HCRTR2: variants seen among roughly 807,000 people sequenced by gnomAD.
HCRTR2 encodes orexin receptor type 2.
In HCRTR2, 22 loss-of-function variants were observed where a neutral mutation model predicts 49.0. The ratio of observed to expected loss-of-function variants is 0.45; its 90% CI spans 0.32 to 0.64. The LOEUF is 0.64. HCRTR2 is among the 30% of genes least tolerant of loss of function. The pLI is 0.04. For missense variants in HCRTR2, 491 were observed against 559.4 expected (o/e 0.88, Z 1.23); for synonymous variants, 236 against 205.3 (o/e 1.15, Z -1.28).
chr6:55,240,290 G>C (rs1420877134), intron 1 of HCRTR2, among the ~76,000 whole-genome samples: 2 of 147,970 alleles, frequency 1.4e-5, no homozygotes, highest in South Asian at 2.2e-4. Context: ...CCCGGGAGGC[G>C]GAGCTTGCAG....
chr6:55,129,561 C>T (rs1366650876), intron 1 of HCRTR2, among the ~76,000 whole-genome samples: 1 of 152,030 alleles, frequency 6.6e-6, no homozygotes, highest in Non-Finnish European at 1.5e-5. Context: ...ACAAGTTATT[C>T]CATGGTCTCC....
intron 1 of HCRTR2, among the ~76,000 whole-genome samples, chr6:55,131,413 T>C (rs983004017): frequency 2.0e-5 from 3 of 151,940 alleles, no homozygotes; most frequent in Non-Finnish European, 4.4e-5. Flanking sequence ...ATTTAATTTG[T>C]TTGAACTTCT....
Position 55,178,341 on chromosome 6 carries a change from C to T in HCRTR2, c.223+3531C>T, listed in dbSNP as rs139358580. Among the ~76,000 whole-genome samples, 10 of 152,170 alleles carry T rather than the reference C, an allele frequency of 6.6e-5. No homozygotes were observed. The East Asian group carries it at 1.9e-3, about 29-fold the overall frequency. On this transcript the variant is annotated intron_variant, in intron 1 of 6. Transcript: ENST00000370862. Reference sequence around the variant, plus strand: ...CTCCATATGGAAAATAGGAAAACATCAGTCTAGCTATGCTTCTTGCTTCTT... The same window carrying T: ...CTCCATATGGAAAATAGGAAAACATTAGTCTAGCTATGCTTCTTGCTTCTT...
chr6:55,166,084 A>G (rs66613211), intron 1 of HCRTR2, among the ~76,000 whole-genome samples: 37,324 of 151,718 alleles, frequency 0.25, 5,009 homozygotes, highest in East Asian at 0.5. Context: ...TGAGATGATC[A>G]TATGGTTTTC....
intron 1 of HCRTR2, among the ~76,000 whole-genome samples, chr6:55,135,787 G>A (rs1460851672): frequency 6.6e-6 from 1 of 152,114 alleles, no homozygotes; most frequent in African/African-American, 2.4e-5. Flanking sequence ...GTAAGTAGTA[G>A]AGCTGGAATT....
At position 55,263,729 on chromosome 6, in the gene HCRTR2, C is replaced by T; in HGVS notation, c.669C>T (p.Tyr223=). The T allele has an allele frequency of 1.2e-6, 2 of 1,607,298 alleles. No individual in the cohort carries two copies. The highest frequency in any genetic ancestry group is 1.7e-4 in the Middle Eastern group (1 of 6,048). ...RWGGEIYPKM[Y]HICFFLVTYM... ...TAGGTGAAATTTATCCCAAGATGTA[C>T]CACATCTGTTTCTTTCTGGTGACAT... Residue 223 remains tyrosine, a synonymous_variant, in exon 4 of 7, where the codon TAC becomes TAT. Transcript: ENST00000370862.
At chr6:55,147,830 T>C (rs983100892) in intron 1 of HCRTR2, among the ~76,000 whole-genome samples, 10 of 152,232 alleles carry the variant, frequency 6.6e-5, no homozygotes, top group Admixed American at 3.3e-4. Flanking sequence ...CTGGGAAAGA[T>C]GTTTTAGTGA....
At chr6:55,232,467 A>G (rs180875627) in intron 1 of HCRTR2, among the ~76,000 whole-genome samples, 1 of 152,314 alleles carries the variant, frequency 6.6e-6, no homozygotes, top group East Asian at 1.9e-4. Flanking sequence ...ACTTTCTCCG[A>G]CATGTTGTCT....
At chr6:55,161,062 A>C (rs984156700) in intron 1 of HCRTR2, among the ~76,000 whole-genome samples, 2 of 152,174 alleles carry the variant, frequency 1.3e-5, no homozygotes, top group Non-Finnish European at 2.9e-5. Context: ...ACTTATTCTA[A>C]AATTGACCAC....
intron 2 of HCRTR2, among the ~76,000 whole-genome samples, chr6:55,250,917 C>G (rs1226641934): frequency 6.6e-6 from 1 of 152,098 alleles, no homozygotes; most frequent in Non-Finnish European, 1.5e-5. Context: ...CCATTTGTTA[C>G]CCCATCTAAC....
chr6:55,176,954 G>A (rs777797329), intron 1 of HCRTR2, among the ~76,000 whole-genome samples: 59 of 151,932 alleles, frequency 3.9e-4, no homozygotes, highest in African/African-American at 1.4e-3. Context: ...TTTAATTTTC[G>A]GCTGAATCTT....
intron 1 of HCRTR2, among the ~76,000 whole-genome samples, chr6:55,124,163 A>C (rs1400820723): frequency 2.6e-5 from 4 of 151,644 alleles, no homozygotes; most frequent in Admixed American, 6.6e-5. Flanking sequence ...CTAGCTTTTG[A>C]ATGTGTTTGC....
chr6:55,126,536 C>T (rs1427806881), intron 1 of HCRTR2, among the ~76,000 whole-genome samples: 1 of 152,312 alleles, frequency 6.6e-6, no homozygotes, highest in East Asian at 1.9e-4. Context: ...AGGTGTCTGT[C>T]AGCCCCTACT....
intron 1 of HCRTR2, among the ~76,000 whole-genome samples, chr6:55,144,157 G>A (rs1340149729): frequency 7.4e-6 from 1 of 135,000 alleles, no homozygotes; most frequent in Non-Finnish European, 1.6e-5. Context: ...TTGTTGCCCA[G>A]GCTGGAGTCC....
rs140883768 is a variant in HCRTR2, at chr6:55,255,260, T to C, written c.527T>C (p.Ile176Thr). ...CGGGCCCGTAACAGCATTGTCATCA[T>C]CTGGATTGTCTCCTGCATTATAATG... ...AKRARNSIVI[I>T]WIVSCIIMIP... The change falls in exon 3 of 7, where the codon ATC becomes ACC. Residue 176 changes from isoleucine to threonine, a missense_variant. Physicochemically the swap from Ile to Thr is moderately conservative, Grantham distance 89 (BLOSUM62 -1). Coordinates refer to ENST00000370862, the MANE Select transcript of HCRTR2 (RefSeq NM_001384272.1). 5.8e-5 allele frequency: 93 copies of C among 1,614,082 alleles called. No homozygotes were observed. In the African/African-American group the frequency reaches 9.2e-4, roughly 16 times the overall value.
chr6:55,229,009 G>A (rs1056395778), intron 1 of HCRTR2, among the ~76,000 whole-genome samples: 14 of 152,034 alleles, frequency 9.2e-5, no homozygotes, highest in African/African-American at 2.7e-4. Flanking sequence ...GCATGTGGAC[G>A]AGGCTGATTT....
chr6:55,253,895 A>G (rs9396074), intron 2 of HCRTR2, among the ~76,000 whole-genome samples: 50,668 of 151,960 alleles, frequency 0.33, 9,032 homozygotes, highest in African/African-American at 0.46. Flanking sequence ...AGGGTGGGAG[A>G]AGGGAGAGGA....
At chr6:55,125,375 T>G (rs1427565026) in intron 1 of HCRTR2, among the ~76,000 whole-genome samples, 1 of 152,200 alleles carries the variant, frequency 6.6e-6, no homozygotes, top group East Asian at 1.9e-4. Flanking sequence ...CTATTGAAGC[T>G]TAGTTTGGCT....
At chr6:55,231,678 G>C (rs911084535) in intron 1 of HCRTR2, among the ~76,000 whole-genome samples, 1 of 152,084 alleles carries the variant, frequency 6.6e-6, no homozygotes, top group Non-Finnish European at 1.5e-5. Flanking sequence ...TGACTTACTT[G>C]TTAAAGAGAA....
Sources: gnomAD v4.1 joint callset for allele counts (sites outside exome capture counted in the v4.1 genomes callset) on GRCh38, gnomAD v4.1.1 for gene constraint, MANE v1.5 for transcripts, NCBI Gene and HGNC (gene_info 2026-07-23, HGNC 2026-07-21) for gene names.